PPM1L: variants seen among roughly 807,000 people sequenced by gnomAD.
PPM1L encodes the protein protein phosphatase, Mg2+/Mn2+ dependent 1L, also known as protein phosphatase 1L.
In PPM1L, 13 loss-of-function variants were observed where a neutral mutation model predicts 31.4. The ratio of observed to expected loss-of-function variants is 0.41; its 90% CI spans 0.27 to 0.66. The LOEUF (loss-of-function observed/expected upper bound fraction) is 0.66. Among genes scored for constraint, PPM1L ranks in the 30% least tolerant of loss-of-function variants. The pLI, the probability that PPM1L is intolerant of heterozygous loss-of-function variation, is 0.29. For missense variants in PPM1L, 326 were observed against 453.7 expected (o/e 0.72, Z 2.56); for synonymous variants, 184 against 175.4 (o/e 1.05, Z -0.39).
chr3:160,851,376 A>T (rs1452737817), intron 1 of PPM1L, among the ~76,000 whole-genome samples: 1 of 152,184 alleles, frequency 6.6e-6, no homozygotes, highest in Admixed American at 6.5e-5. Flanking sequence ...CTATGTCCAA[A>T]CTTGAGGCCA....
At chr3:160,944,349 G>A (rs1316307038) in intron 1 of PPM1L, among the ~76,000 whole-genome samples, 1 of 151,816 alleles carries the variant, frequency 6.6e-6, no homozygotes, top group Non-Finnish European at 1.5e-5. Flanking sequence ...AGTTTTTTAT[G>A]AGGTATTGCC....
chr3:160,973,032 A>T (rs563545878), intron 2 of PPM1L, among the ~76,000 whole-genome samples: 1 of 152,326 alleles, frequency 6.6e-6, no homozygotes, highest in East Asian at 1.9e-4. Flanking sequence ...TATTTTAAAA[A>T]ATCACATTCC....
chr3:160,767,951 C>A (rs144361182), intron 1 of PPM1L, among the ~76,000 whole-genome samples: 2 of 151,854 alleles, frequency 1.3e-5, no homozygotes, highest in African/African-American at 4.8e-5. Flanking sequence ...ATTTTCTGGC[C>A]AAATAAGTCT....
At chr3:160,759,245 T>C (rs1243980644) in intron 1 of PPM1L, among the ~76,000 whole-genome samples, 1 of 152,186 alleles carries the variant, frequency 6.6e-6, no homozygotes, top group East Asian at 1.9e-4. Context: ...TCTAGAATGG[T>C]GCAGACGATA....
intron 1 of PPM1L, among the ~76,000 whole-genome samples, chr3:160,757,062 G>T (rs1486069685): frequency 6.6e-6 from 1 of 152,176 alleles, no homozygotes; most frequent in Non-Finnish European, 1.5e-5. Context: ...AGTGAACTTT[G>T]GTCCCAGACC....
rs113273287 is a variant in PPM1L, at chr3:160,756,752, C to CGTGTGTGTGTGT, written c.399+72_399+83dup. 16,758 of 1,014,010 alleles carry CGTGTGTGTGTGT rather than the reference C, an allele frequency of 0.017. 188 individuals are homozygous for CGTGTGTGTGTGT. Among genetic ancestry groups the CGTGTGTGTGTGT allele is most frequent in the African/African-American group, 0.038 (2,095 of 55,346 alleles). 62.8% of individuals were successfully genotyped at this position (1,014,010 alleles called of 1,614,324 possible). A position where few individuals can be genotyped will look rare whatever the true frequency, so the allele number is the denominator to read the frequency against. ...TTTGTATTTGTGTCCGTGTATGTCT[C>CGTGTGTGTGTGT]GTGTGTGTGTGTGTGTGTGTGTGTG... On this transcript the variant is annotated intron_variant, in intron 1 of 3. Transcript: ENST00000498165. This position sits in a 1 kb window ranked among gnomAD's most constrained non-coding sequence, Gnocchi z 6.2.
chr3:161,001,830 CT>C (rs1222058083), intron 2 of PPM1L, among the ~76,000 whole-genome samples: 2 of 151,890 alleles, frequency 1.3e-5, no homozygotes, highest in African/African-American at 2.4e-5. Flanking sequence ...AAGGATCTTT[CT>C]TTTTTTTAAT....
At chr3:160,930,880 T>C (rs1014847550) in intron 1 of PPM1L, among the ~76,000 whole-genome samples, 1 of 152,142 alleles carries the variant, frequency 6.6e-6, no homozygotes, top group Non-Finnish European at 1.5e-5. Flanking sequence ...TAAGTCTTCA[T>C]GCCTGGTTCA....
At chr3:160,890,816 C>T (rs866629121) in intron 1 of PPM1L, among the ~76,000 whole-genome samples, 26 of 152,148 alleles carry the variant, frequency 1.7e-4, no homozygotes, top group African/African-American at 6.0e-4. Context: ...TCAGAAATAA[C>T]GCCACACATC....
chr3:160,902,418 C>T (rs888890748), intron 1 of PPM1L, among the ~76,000 whole-genome samples: 2 of 152,106 alleles, frequency 1.3e-5, no homozygotes, highest in African/African-American at 4.8e-5. Context: ...TTCCCTGTTA[C>T]TCTCACAGAA....
chr3:161,014,473 ATTTTT>A (rs66734087), intron 2 of PPM1L, among the ~76,000 whole-genome samples: 2 of 129,222 alleles, frequency 1.5e-5, no homozygotes. Context: ...TCAAGTCAGG[ATTTTT>A]TTTTTTTTTT....
intron 1 of PPM1L, among the ~76,000 whole-genome samples, chr3:160,928,831 C>G (rs1336396173): frequency 6.6e-6 from 1 of 152,092 alleles, no homozygotes; most frequent in African/African-American, 2.4e-5. Flanking sequence ...CTGCGAATAC[C>G]TCGATGTTGG....
At chr3:160,871,981 C>T (rs1712325451) in intron 1 of PPM1L, among the ~76,000 whole-genome samples, 1 of 152,064 alleles carries the variant, frequency 6.6e-6, no homozygotes, top group Non-Finnish European at 1.5e-5. Flanking sequence ...TCATTGAACA[C>T]TAAAGCTGTG....
At chr3:160,961,934 AT>A (rs758883367) in intron 2 of PPM1L, 24 bp downstream of exon 2, 48 of 1,510,270 alleles carry the variant, frequency 3.2e-5, no homozygotes, top group South Asian at 2.0e-4. Context: ...TAAAACACAC[AT>A]TTTTTTTCCT....
intron 2 of PPM1L, among the ~76,000 whole-genome samples, chr3:161,052,959 G>T (rs1340907727): frequency 6.6e-6 from 1 of 152,024 alleles, no homozygotes; most frequent in African/African-American, 2.4e-5. Flanking sequence ...TTCAATTTCA[G>T]AAGTTCCTGT....
chr3:160,923,446 C>T (rs1714480568), intron 1 of PPM1L, among the ~76,000 whole-genome samples: 1 of 152,084 alleles, frequency 6.6e-6, no homozygotes, highest in African/African-American at 2.4e-5. Context: ...TGTTCTAGTC[C>T]CTCAAGATAA....
intron 1 of PPM1L, among the ~76,000 whole-genome samples, chr3:160,944,898 TG>T (rs1353158286): frequency 0.014 from 850 of 60,040 alleles, 25 homozygotes; most frequent in Middle Eastern, 0.031. Context: ...TATATATAAC[TG>T]ATGTTACATA....
chr3:160,862,691 CACACACACACACAA>C (rs1351833761), intron 1 of PPM1L, among the ~76,000 whole-genome samples: 15 of 145,816 alleles, frequency 1.0e-4, no homozygotes, highest in African/African-American at 4.1e-4. Flanking sequence ...CACACACACA[CACACACACACACAA>C]AATTCTGAAA....
intron 2 of PPM1L, among the ~76,000 whole-genome samples, chr3:161,030,718 A>G (rs1011526950): frequency 2.0e-5 from 3 of 152,164 alleles, no homozygotes; most frequent in African/African-American, 7.2e-5. Context: ...TCAAAGCCAT[A>G]TATCTCCTTC....
Sources: allele counts gnomAD v4.1 joint callset (sites outside exome capture counted in the v4.1 genomes callset), GRCh38; gene constraint gnomAD v4.1.1; non-coding constraint Gnocchi (gnomAD v3.1); transcripts MANE v1.5; gene names NCBI Gene and HGNC (gene_info 2026-07-23, HGNC 2026-07-21).